The following SCML4 variants were observed in gnomAD, a reference collection of about 807,000 sequenced individuals.
SCML4 encodes the protein Scm polycomb group protein like 4, also known as sex comb on midleg-like protein 4.
A neutral mutation model predicts 41.1 loss-of-function variants in SCML4; 34 were observed. The ratio of observed to expected loss-of-function variants is 0.83; its 90% CI spans 0.63 to 1.10. The LOEUF is 1.10. Among genes scored for constraint, SCML4 ranks in the 50% least tolerant of loss-of-function variants. The probability of loss-of-function intolerance (pLI) is 0.00; values close to 1 mark genes in which losing one functional copy is unlikely to be tolerated. For missense variants in SCML4, 522 were observed against 534.1 expected, an observed-to-expected ratio of 0.98 and a Z score of 0.22; for synonymous variants, 214 against 220.9, an observed-to-expected ratio of 0.97 and a Z score of 0.28.
At chr6:107,822,165 C>T (rs574614358) in intron 1 of SCML4, among the ~76,000 whole-genome samples, 1 of 152,186 alleles carries the variant, frequency 6.6e-6, no homozygotes, top group South Asian at 2.1e-4. Flanking sequence ...TGGGGTAGTG[C>T]TTGAATTTTT....
chr6:107,785,513 G>A (rs753770675), intron 1 of SCML4, among the ~76,000 whole-genome samples: 2 of 152,228 alleles, frequency 1.3e-5, no homozygotes, highest in Non-Finnish European at 2.9e-5. Flanking sequence ...GGATAGAGGG[G>A]TGAGTGGCCA....
At chr6:107,845,318 C>G in the SCML4 span, among the ~76,000 whole-genome samples, 1 of 152,166 alleles carries the variant, frequency 6.6e-6, no homozygotes, top group South Asian at 2.1e-4. Context: ...AGAGGTCAAA[C>G]AGTCTGTCCT....
At chr6:107,761,798 A>G (rs992261451) in intron 2 of SCML4, among the ~76,000 whole-genome samples, 19 of 51,570 alleles carry the variant, frequency 3.7e-4, no homozygotes, top group Admixed American at 6.2e-4. Flanking sequence ...CTACACCCAG[A>G]AAAAAAAGTC....
the SCML4 span, among the ~76,000 whole-genome samples, chr6:107,831,411 CAAAAAA>C: frequency 0.03 from 3,278 of 107,510 alleles, 123 homozygotes; most frequent in African/African-American, 0.11. Flanking sequence ...TTTTCATTCT[CAAAAAA>C]AAAAAAAAAA....
At chr6:107,763,788 C>T (rs1779815005) in intron 2 of SCML4, among the ~76,000 whole-genome samples, 1 of 152,194 alleles carries the variant, frequency 6.6e-6, no homozygotes, top group South Asian at 2.1e-4. Flanking sequence ...CAAGACAGCC[C>T]TCACAGAACT....
At chr6:107,769,608 A>T (rs1780352656) in intron 2 of SCML4, among the ~76,000 whole-genome samples, 1 of 152,224 alleles carries the variant, frequency 6.6e-6, no homozygotes, top group Non-Finnish European at 1.5e-5. Flanking sequence ...GCTCAGAAAC[A>T]TATGATTTTA....
chr6:107,735,141 G>T (rs1336324301), intron 5 of SCML4, among the ~76,000 whole-genome samples: 1 of 152,300 alleles, frequency 6.6e-6, no homozygotes, highest in East Asian at 1.9e-4. Context: ...CTCCCAAAGT[G>T]CTGGGATTAC....
At chr6:107,746,114 G>A (rs1778065067) in intron 4 of SCML4, 1 of 152,292 alleles carries the variant, frequency 6.6e-6, no homozygotes, top group Non-Finnish European at 1.5e-5. Context: ...AGAACCTAAA[G>A]GACATCCATG....
intron 1 of SCML4, among the ~76,000 whole-genome samples, chr6:107,781,472 C>A (rs530227144): frequency 3.9e-4 from 60 of 152,120 alleles, no homozygotes; most frequent in Admixed American, 2.4e-3. Context: ...TAGGGCATAA[C>A]ACCATCTCTA....
chr6:107,769,313 T>A (rs955437476), intron 2 of SCML4, among the ~76,000 whole-genome samples: 2 of 152,200 alleles, frequency 1.3e-5, no homozygotes, highest in African/African-American at 4.8e-5. Flanking sequence ...CTATGAACTC[T>A]AGAGCATTGA....
rs1164488169 is a variant in SCML4, at chr6:107,704,677, G to A, written c.*523C>T. On this transcript the variant is annotated 3_prime_UTR_variant, in exon 8 of 8. Transcript: ENST00000369020. ...TTTTTTTTCCTTTTTCTTTCACGGC[G>A]TAAAATAATTCAAGTTTTCCAGACA... The A allele has an allele frequency of 6.6e-6, 1 of 152,050 alleles. No individual in the cohort carries two copies. Among genetic ancestry groups the A allele is most frequent in the African/African-American group, 2.4e-5 (1 of 41,056 alleles). 9.4% of individuals were successfully genotyped at this position (152,050 alleles called of 1,614,324 possible).
At chr6:107,805,663 T>A (rs1226968144) in intron 1 of SCML4, among the ~76,000 whole-genome samples, 1 of 152,186 alleles carries the variant, frequency 6.6e-6, no homozygotes, top group African/African-American at 2.4e-5. Flanking sequence ...ATTTTCAACT[T>A]GACTCTGTGT....
chr6:107,838,444 G>A, the SCML4 span, among the ~76,000 whole-genome samples: 1 of 152,178 alleles, frequency 6.6e-6, no homozygotes. Flanking sequence ...GCATTGACAG[G>A]CGCGTTGTCA....
intron 1 of SCML4, among the ~76,000 whole-genome samples, chr6:107,812,505 T>C (rs1784230055): frequency 6.6e-6 from 1 of 152,076 alleles, no homozygotes; most frequent in Non-Finnish European, 1.5e-5. Flanking sequence ...TTATTCTAAG[T>C]GTTTCTGTGA....
intron 1 of SCML4, among the ~76,000 whole-genome samples, chr6:107,799,792 T>C (rs1782968202): frequency 6.6e-6 from 1 of 152,164 alleles, no homozygotes; most frequent in Non-Finnish European, 1.5e-5. Flanking sequence ...ATGTCTTATA[T>C]TGTATTTTTC....
At chr6:107,781,089 C>T (rs963764923) in intron 1 of SCML4, among the ~76,000 whole-genome samples, 3 of 151,926 alleles carry the variant, frequency 2.0e-5, no homozygotes, top group Admixed American at 6.6e-5. Context: ...GGAGAGCTTA[C>T]GTATAGGTAT....
At chr6:107,767,685 C>T (rs949323537) in intron 2 of SCML4, among the ~76,000 whole-genome samples, 19 of 152,224 alleles carry the variant, frequency 1.2e-4, no homozygotes, top group African/African-American at 4.6e-4. Flanking sequence ...AATATCCATT[C>T]TCCTTTCTCC....
intron 2 of SCML4, among the ~76,000 whole-genome samples, chr6:107,759,602 C>T (rs1272539499): frequency 1.3e-5 from 2 of 152,078 alleles, no homozygotes; most frequent in Non-Finnish European, 2.9e-5. Context: ...AAAATCTTTG[C>T]TTTAATAGTA....
intron 2 of SCML4, among the ~76,000 whole-genome samples, chr6:107,771,599 C>G (rs1206403688): frequency 6.6e-6 from 1 of 152,172 alleles, no homozygotes; most frequent in Non-Finnish European, 1.5e-5. Flanking sequence ...CCTGATATGC[C>G]TCCTTGTAGC....
Sources: allele counts gnomAD v4.1 joint callset (sites outside exome capture counted in the v4.1 genomes callset), GRCh38; gene constraint gnomAD v4.1.1; transcripts MANE v1.5; gene names NCBI Gene and HGNC (gene_info 2026-07-23, HGNC 2026-07-21).